PFKFB1: variants seen among roughly 807,000 people sequenced by gnomAD.
PFKFB1 encodes 6-phosphofructo-2-kinase/fructose-2,6-bisphosphatase 1.
Under a neutral mutation model 46.4 loss-of-function variants are expected in PFKFB1, and 34 were observed. The ratio of observed to expected loss-of-function variants is 0.73; its 90% confidence interval spans 0.56 to 0.98. PFKFB1 has a LOEUF of 0.98. PFKFB1 is among the 50% of genes least tolerant of loss of function. PFKFB1 has a pLI of 0.00. For synonymous variants in PFKFB1, 119 were observed against 133.8 expected (o/e 0.89, Z 0.76); for missense variants, 393 against 376.3 (o/e 1.04, Z -0.37).
At chrX:54,991,756 C>CA (rs766505135) in intron 1 of PFKFB1, among the ~76,000 whole-genome samples, 22 of 110,865 alleles carry the variant, frequency 2.0e-4, no homozygotes, top group Non-Finnish European at 1.5e-4. Flanking sequence ...ACCAAATGCT[C>CA]AACAATAGTA....
chrX:54,970,606 G>A (rs1201751295), intron 1 of PFKFB1, among the ~76,000 whole-genome samples: 1 of 59,870 alleles, frequency 1.7e-5, no homozygotes, highest in African/African-American at 6.6e-5. Flanking sequence ...TTGTTCTTGA[G>A]ATAGTTTACT....
chrX:54,942,431 C>G (rs1933671591), intron 10 of PFKFB1, among the ~76,000 whole-genome samples: 1 of 111,690 alleles, frequency 9.0e-6, no homozygotes. Context: ...CCAGACTTCC[C>G]TCAGGTGGGC....
At chrX:54,982,155 C>G (rs1377924133) in intron 1 of PFKFB1, among the ~76,000 whole-genome samples, 1 of 111,470 alleles carries the variant, frequency 9.0e-6, no homozygotes, top group Non-Finnish European at 1.9e-5. Context: ...ATAGAAATCT[C>G]CAGACCCAAA....
intron 1 of PFKFB1, among the ~76,000 whole-genome samples, chrX:54,969,694 T>C (rs955303163): frequency 8.9e-6 from 1 of 112,220 alleles, no homozygotes; most frequent in Non-Finnish European, 1.9e-5. Context: ...TACTTTATGT[T>C]GACAGACTAA....
At position 54,958,848 on chromosome X, in the gene PFKFB1, T is replaced by C. The variant is rs762632505; in HGVS notation, c.459+3A>G. 8.7e-7 allele frequency: 1 copy of C among 1,147,426 alleles called. No homozygotes were observed. Among genetic ancestry groups the C allele is most frequent in the East Asian group, 3.0e-5 (1 of 33,580 alleles). The allele number at this position is 1,147,426 out of a possible 1,213,427, so 94.6% of individuals were successfully genotyped here. ...CTAGATAAGAGTTGGAGTGTTACCA[T>C]ACCTTGTAACCATGTTCTTTTGCAA... On this transcript the variant is annotated splice_donor_region_variant and intron_variant, in intron 5 of 13. Coordinates refer to ENST00000375006, the MANE Select transcript of PFKFB1 (RefSeq NM_002625.4).
chrX:54,956,089 G>T, intron 7 of PFKFB1, 64 bp downstream of exon 7: 3 of 764,246 alleles, frequency 3.9e-6, no homozygotes, highest in Non-Finnish European at 5.9e-6. Flanking sequence ...TTTACTCTAG[G>T]TTCTACAGGA....
At chrX:54,942,330 C>T (rs1182554195) in intron 10 of PFKFB1, among the ~76,000 whole-genome samples, 5 of 111,171 alleles carry the variant, frequency 4.5e-5, no homozygotes, top group Non-Finnish European at 3.8e-5. Context: ...CAGCATGGCA[C>T]ATGTATACAT....
chrX:54,958,129 TAG>T (rs1160159925), intron 6 of PFKFB1, among the ~76,000 whole-genome samples, 175 bp downstream of exon 6: 1 of 111,845 alleles, frequency 8.9e-6, no homozygotes, highest in Non-Finnish European at 1.9e-5. Context: ...TTAAAATTAA[TAG>T]AGTCATTGTA....
At chrX:54,995,899 T>A (rs1180842408), upstream of PFKFB1, among the ~76,000 whole-genome samples, 4 of 112,352 alleles carry the variant, frequency 3.6e-5, no homozygotes, top group African/African-American at 1.3e-4. Flanking sequence ...CACAAAGAGC[T>A]CCTGCAAATC....
chrX:54,991,539 CTGTG>C (rs59214352), intron 1 of PFKFB1, among the ~76,000 whole-genome samples: 1,905 of 61,849 alleles, frequency 0.031, 13 homozygotes, highest in Non-Finnish European at 0.041. Context: ...CTCTCTCTCT[CTGTG>C]TGTGTGTGTG....
intron 1 of PFKFB1, among the ~76,000 whole-genome samples, chrX:54,993,257 A>T (rs756116485): frequency 5.3e-5 from 6 of 112,599 alleles, no homozygotes; most frequent in Non-Finnish European, 1.1e-4. Flanking sequence ...TTCCAAAGTG[A>T]GCACCACACC....
At chrX:54,949,711 C>G (rs1192433024) in intron 8 of PFKFB1, among the ~76,000 whole-genome samples, 4 of 112,340 alleles carry the variant, frequency 3.6e-5, no homozygotes, top group East Asian at 2.8e-4. Flanking sequence ...AAACAGCAAC[C>G]CCTTGGTCGT....
At chrX:54,951,464 GA>G (rs1933971708) in intron 8 of PFKFB1, among the ~76,000 whole-genome samples, 1 of 112,248 alleles carries the variant, frequency 8.9e-6, no homozygotes, top group Non-Finnish European at 1.9e-5. Flanking sequence ...CGGGAGGGCA[GA>G]ATTGGGAAGA....
upstream of PFKFB1, among the ~76,000 whole-genome samples, chrX:54,995,473 C>CCAA (rs1935343814): frequency 8.9e-6 from 1 of 112,513 alleles, no homozygotes; most frequent in Non-Finnish European, 1.9e-5. Context: ...ATTTTTAATA[C>CCAA]ATTCCAGAGC....
chrX:54,986,305 GA>G (rs1355454968), intron 1 of PFKFB1, among the ~76,000 whole-genome samples: 2 of 111,570 alleles, frequency 1.8e-5, no homozygotes, highest in Non-Finnish European at 3.8e-5. Flanking sequence ...AAAGAAAGAA[GA>G]AAAAAGAGAA....
chrX:54,933,847 C>A lies in PFKFB1; in HGVS notation c.1330G>T (p.Val444Leu). ...TCAGGCTTCTCCCGGTGTGTGTTCA[C>A]GGCCTCCACATTCAGGTAGATGGAT... ...VESIYLNVEA[V>L]NTHREKPENV... The change falls in exon 13 of 14, where the codon GTG (valine) becomes TTG (leucine). Residue 444 changes from valine to leucine, a missense_variant. Transcript: ENST00000375006. The A allele has an allele frequency of 8.3e-7, 1 of 1,209,624 alleles. No individual in the cohort carries two copies. The highest frequency in any genetic ancestry group is 1.1e-6 in the Non-Finnish European group (1 of 893,798).
chrX:54,951,087 T>G (rs1933959480), intron 8 of PFKFB1, among the ~76,000 whole-genome samples: 1 of 113,151 alleles, frequency 8.8e-6, no homozygotes, highest in Non-Finnish European at 1.9e-5. Flanking sequence ...CAACTGTCCT[T>G]CCTGCACTTC....
upstream of PFKFB1, chrX:54,994,500 A>C (rs1455816233): frequency 4.0e-6 from 3 of 752,965 alleles, no homozygotes; most frequent in East Asian, 4.6e-4. Context: ...AAATAAAAAA[A>C]TGGGCCCAAG....
chrX:54,941,836 G>A (rs765218405), intron 10 of PFKFB1, among the ~76,000 whole-genome samples: 9 of 112,025 alleles, frequency 8.0e-5, no homozygotes, highest in South Asian at 3.8e-4. Flanking sequence ...TCAGTGTGGC[G>A]TCTCCTCAGG....
Sources: allele counts gnomAD v4.1 joint callset (sites outside exome capture counted in the v4.1 genomes callset), GRCh38; gene constraint gnomAD v4.1.1; transcripts MANE v1.5; gene names NCBI Gene and HGNC (gene_info 2026-07-23, HGNC 2026-07-21).